BAX: variants seen among roughly 807,000 people sequenced by gnomAD.
The protein encoded by BAX is BCL2 associated X, apoptosis regulator.
A neutral mutation model predicts 26.8 loss-of-function variants in BAX; 21 were observed. That is an observed-to-expected ratio of 0.78 (90% CI 0.56 to 1.13). The LOEUF is 1.13. Among genes scored for constraint, BAX ranks in the 50% most tolerant of loss-of-function variants. The probability of loss-of-function intolerance (pLI) is 0.00; values close to 1 mark genes in which losing one functional copy is unlikely to be tolerated. For missense variants in BAX, 236 were observed against 254.6 expected, an observed-to-expected ratio of 0.93 and a Z score of 0.50; for synonymous variants, 110 against 101.8, an observed-to-expected ratio of 1.08 and a Z score of -0.49.
At chr19:48,961,294 C>T in intron 5 of BAX, 1 of 1,409,078 alleles carries the variant, frequency 7.1e-7, no homozygotes, top group Non-Finnish European at 9.3e-7. Flanking sequence ...GCTATGTTGC[C>T]CAGGTTGGTC....
intron 1 of BAX, 48 bp downstream of exon 1, chr19:48,955,010 G>A (rs758233128): frequency 4.5e-4 from 555 of 1,239,690 alleles, no homozygotes; most frequent in Non-Finnish European, 4.9e-4. Context: ...CCCCTCGCCG[G>A]CCCGTCCGGG....
chr19:48,960,997 C>G (rs943470258), intron 5 of BAX, 83 bp downstream of exon 5: 1 of 1,613,168 alleles, frequency 6.2e-7, no homozygotes, highest in Non-Finnish European at 8.5e-7. Flanking sequence ...CCCGCCACTC[C>G]TCTGGGACCC....
chr19:48,958,105 T>TG (rs920789851), intron 4 of BAX, among the ~76,000 whole-genome samples: 4 of 150,064 alleles, frequency 2.7e-5, no homozygotes, highest in Non-Finnish European at 4.4e-5. Flanking sequence ...ATTTTTTTTT[T>TG]TAAGAGGTAG....
chr19:48,959,534 G>C (rs868777000), intron 4 of BAX, among the ~76,000 whole-genome samples: 1 of 149,182 alleles, frequency 6.7e-6, no homozygotes, highest in Non-Finnish European at 1.5e-5. Context: ...AAAAAATGGG[G>C]CTGGGCATGG....
At chr19:48,961,352 G>A in intron 5 of BAX, 180 bp from the exon 6 acceptor site, 1 of 1,292,288 alleles carries the variant, frequency 7.7e-7, no homozygotes, top group South Asian at 1.5e-5. Flanking sequence ...CTCTCAAAGT[G>A]CTGGGATTAC....
Position 48,954,943 on chromosome 19 carries a change from G to C in BAX, c.15G>C (p.Gly5=). 1 of 1,245,188 alleles carries C rather than the reference G, an allele frequency of 8.0e-7. No individual in the cohort carries two copies. The highest frequency in any genetic ancestry group is 1.0e-6 in the Non-Finnish European group (1 of 993,508). 77.1% of individuals were successfully genotyped at this position (1,245,188 alleles called of 1,614,324 possible). A position where few individuals can be genotyped will look rare whatever the true frequency, so the allele number is the denominator to read the frequency against. The part of the protein sequence containing the change: MDGS[G]EQPRGGGPTS... The stretch of plus-strand genomic sequence containing the variant: ...GAGCGGCGGTGATGGACGGGTCCGG[G>C]GAGCAGCCCAGAGGCGGGGGTGAGG... Residue 5 remains glycine, a synonymous_variant, in exon 1 of 6, where the codon GGG becomes GGC. Transcript: ENST00000345358.
chr19:48,957,510 A>G (rs1449394830), intron 4 of BAX, among the ~76,000 whole-genome samples: 1 of 151,612 alleles, frequency 6.6e-6, no homozygotes, highest in East Asian at 2.0e-4. Flanking sequence ...CCTGGCCTCA[A>G]GTGATCCGCC....
intron 3 of BAX, 106 bp from the exon 4 acceptor site, chr19:48,956,092 T>A: frequency 1.5e-6 from 2 of 1,377,698 alleles, no homozygotes; most frequent in Non-Finnish European, 1.9e-6. Context: ...CATTTCAGCC[T>A]GGCTTGGGGC....
intron 3 of BAX, 116 bp from the exon 4 acceptor site, chr19:48,956,082 C>A: frequency 1.5e-6 from 2 of 1,357,458 alleles, no homozygotes; most frequent in Non-Finnish European, 2.0e-6. Flanking sequence ...TGTTGCTTTT[C>A]ATTTCAGCCT....
rs1362805882 is a variant in BAX, at chr19:48,961,683, A to AT, written c.*52dup. The AT allele has an allele frequency of 8.1e-7, 1 of 1,229,544 alleles. No homozygotes were observed. Among genetic ancestry groups the AT allele is most frequent in the East Asian group, 3.2e-5 (1 of 31,524 alleles). 76.2% of individuals were successfully genotyped at this position (1,229,544 alleles called of 1,614,324 possible). ...GTGTTTTTCCTCCATAAATTATGGCATTTTTCTGGGAGGGGTGGGGATTGG... is the reference window on the plus strand; with the variant it reads ...GTGTTTTTCCTCCATAAATTATGGCATTTTTTCTGGGAGGGGTGGGGATTGG... On this transcript the variant is annotated 3_prime_UTR_variant, in exon 6 of 6. Transcript: ENST00000345358.
rs536564321 is a variant in BAX, at chr19:48,961,031, G to A, written c.474+117G>A. 2.0e-5 allele frequency: 32 copies of A among 1,611,902 alleles called. 2 individuals are homozygous for A. In the South Asian group the frequency reaches 3.2e-4, roughly 16 times the overall value. ...CCTGGGCCTTCTGGAGCAGGTCACA[G>A]TGGTGCCCTCTCCCCATCTTCAGAT... On this transcript the variant is annotated intron_variant, in intron 5 of 5. Transcript: ENST00000345358.
chr19:48,959,378 T>G (rs1600109666), intron 4 of BAX, among the ~76,000 whole-genome samples: 2 of 142,560 alleles, frequency 1.4e-5, no homozygotes, highest in Non-Finnish European at 3.0e-5. Context: ...AAAAGAAAAG[T>G]CCTCTCTGGG....
At chr19:48,955,527 T>C (rs1232705030) in intron 1 of BAX, 21 bp from the exon 2 acceptor site, 15 of 1,608,412 alleles carry the variant, frequency 9.3e-6, no homozygotes, top group Non-Finnish European at 1.2e-5. Flanking sequence ...CAGGTACCTC[T>C]TCCCTTCCTT....
Position 48,961,707 on chromosome 19 carries a change from G to A in BAX, c.*71G>A, listed in dbSNP as rs926553930. 2.3e-6 allele frequency: 3 copies of A among 1,292,252 alleles called. No individual in the cohort carries two copies. In the East Asian group the frequency reaches 7.7e-5, roughly 33 times the overall value. 80.0% of individuals were successfully genotyped at this position (1,292,252 alleles called of 1,614,324 possible). Reference sequence around the variant, plus strand: ...CATTTTTCTGGGAGGGGTGGGGATTGGGGGACGTGGGCATTTTTCTTACTT... The same window carrying A: ...CATTTTTCTGGGAGGGGTGGGGATTAGGGGACGTGGGCATTTTTCTTACTT... On this transcript the variant is annotated 3_prime_UTR_variant, in exon 6 of 6. Transcript: ENST00000345358.
rs1299789051 is a variant in BAX at position 48,955,606 on chromosome 19, T to C, written c.86+7T>C. On this transcript the variant is annotated splice_region_variant and intron_variant, in intron 2 of 5. Transcript: ENST00000345358. ...GGGCCCTTTTGCTTCAGGGGTGAGT[T>C]TGAGGTCTGATTATTGTGGCACAGA... 2.5e-6 allele frequency: 4 copies of C among 1,613,448 alleles called. No individual in the cohort carries two copies. The highest frequency in any genetic ancestry group is 3.4e-6 in the Non-Finnish European group (4 of 1,179,762).
intron 3 of BAX, 63 bp downstream of exon 3, chr19:48,955,896 G>T (rs2038109935): frequency 1.3e-6 from 2 of 1,499,366 alleles, no homozygotes; most frequent in Non-Finnish European, 8.9e-7. Flanking sequence ...AGGACTCTCA[G>T]CCCCGCATTC....
In BAX at chr19:48,961,009, G is replaced by C. The variant is rs1215429357; in HGVS notation, c.474+95G>C. 3 of 1,612,516 alleles carry C rather than the reference G, an allele frequency of 1.9e-6. No homozygotes were observed. Among genetic ancestry groups the C allele is most frequent in the East Asian group, 4.5e-5 (2 of 44,842 alleles). On this transcript the variant is annotated intron_variant, in intron 5 of 5. Coordinates refer to ENST00000345358, the MANE Select transcript of BAX (RefSeq NM_138761.4). ...CCCCCCGCCACTCCTCTGGGACCCT[G>C]GGCCTTCTGGAGCAGGTCACAGTGG...
Position 48,961,670 on chromosome 19 carries a change from C to A in BAX, c.*34C>A. On this transcript the variant is annotated 3_prime_UTR_variant, in exon 6 of 6. Transcript: ENST00000345358. ...GCTGCCTTGGACTGTGTTTTTCCTC[C>A]ATAAATTATGGCATTTTTCTGGGAG... 2.7e-6 allele frequency: 4 copies of A among 1,481,534 alleles called. No homozygotes were observed. Among genetic ancestry groups the A allele is most frequent in the Non-Finnish European group, 3.7e-6 (4 of 1,083,350 alleles). The allele number at this position is 1,481,534 out of a possible 1,614,324, so 91.8% of individuals were successfully genotyped here. A position where few individuals can be genotyped will look rare whatever the true frequency, so the allele number is the denominator to read the frequency against.
Position 48,960,861 on chromosome 19 carries a change from T to A in BAX, c.421T>A (p.Leu141Met). 1 of 1,614,142 alleles carries A rather than the reference T, an allele frequency of 6.2e-7. No individual in the cohort carries two copies. Among genetic ancestry groups the A allele is most frequent in the Non-Finnish European group, 8.5e-7 (1 of 1,180,010 alleles). Residue 141 changes from leucine (L) to methionine (M), a missense_variant, in exon 5 of 6, where the codon TTG becomes ATG. Transcript: ENST00000345358. Reference sequence around the variant, plus strand: ...GATCAGAACCATCATGGGCTGGACATTGGACTTCCTCCGGGAGCGGCTGTT... The same window carrying A: ...GATCAGAACCATCATGGGCTGGACAATGGACTTCCTCCGGGAGCGGCTGTT... Reference protein sequence around the residue: ...ELIRTIMGWTLDFLRERLLGW... With the variant: ...ELIRTIMGWTMDFLRERLLGW...
Sources: gnomAD v4.1 joint callset for allele counts (sites outside exome capture counted in the v4.1 genomes callset) on GRCh38, gnomAD v4.1.1 for gene constraint, MANE v1.5 for transcripts, NCBI Gene and HGNC (gene_info 2026-07-23, HGNC 2026-07-21) for gene names.